The following DNMBP variants were observed in gnomAD, a reference collection of about 807,000 sequenced individuals.
DNMBP encodes dynamin-binding protein.
In DNMBP, 87 loss-of-function variants were observed where a neutral mutation model predicts 150.0. The observed-to-expected ratio is 0.58, with a 90% CI of 0.49 to 0.69. DNMBP has a LOEUF of 0.69. Ranked by LOEUF, DNMBP falls within the 30% of genes least tolerant of loss-of-function variation. DNMBP has a pLI of 0.00. For synonymous variants in DNMBP, 711 were observed against 750.4 expected (o/e 0.95, Z 0.86); for missense variants, 1,774 against 1,949.0 (o/e 0.91, Z 1.69).
rs1314055495 is a variant in DNMBP, at chr10:99,892,151, G to A, written c.3156+2795C>T. On this transcript the variant is annotated intron_variant, in intron 11 of 16. Transcript: ENST00000324109. ...GAAGAGCCCCTCTGCCCGGCCAGCC[G>A]CCCCGTCCAGGAGGGAGGTGGGGGG... 2.8e-5 allele frequency among the ~76,000 whole-genome samples: 4 copies of A among 141,120 alleles called. 1 individual carries two copies. Among genetic ancestry groups the A allele is most frequent in the South Asian group, 2.3e-4 (1 of 4,370 alleles). 92.6% of individuals were successfully genotyped at this position (141,120 alleles called of 152,430 possible).
intron 1 of DNMBP, among the ~76,000 whole-genome samples, chr10:100,005,776 A>AAAAC (rs1413940691): frequency 3.1e-5 from 4 of 128,062 alleles, no homozygotes; most frequent in Non-Finnish European, 3.3e-5. Flanking sequence ...AAAAAAAAAA[A>AAAAC]AAAAAAAACC....
intron 4 of DNMBP, among the ~76,000 whole-genome samples, chr10:99,912,405 C>T (rs1295831569): frequency 6.6e-6 from 1 of 152,114 alleles, no homozygotes; most frequent in Non-Finnish European, 1.5e-5. Context: ...GCCAGCCAGC[C>T]TATGTATTAG....
At chr10:99,920,980 G>A (rs1245515608) in intron 4 of DNMBP, among the ~76,000 whole-genome samples, 9 of 152,034 alleles carry the variant, frequency 5.9e-5, no homozygotes, top group South Asian at 2.1e-4. Context: ...ATGCCCAGCC[G>A]ACTTCCCACT....
chr10:99,894,870 C>T, intron 11 of DNMBP, 76 bp downstream of exon 11: 10 of 1,164,616 alleles, frequency 8.6e-6, no homozygotes, highest in Non-Finnish European at 1.3e-5. Context: ...ATTCATTAAA[C>T]AATATGACTG....
chr10:99,905,655 C>G (rs1276366490), intron 6 of DNMBP, among the ~76,000 whole-genome samples: 1 of 152,206 alleles, frequency 6.6e-6, no homozygotes, highest in Non-Finnish European at 1.5e-5. Context: ...CCACTGCATT[C>G]TAGCCTAGGC....
intron 4 of DNMBP, among the ~76,000 whole-genome samples, chr10:99,950,037 T>C (rs1407127170): frequency 1.3e-5 from 2 of 152,154 alleles, no homozygotes; most frequent in African/African-American, 4.8e-5. Flanking sequence ...CCCACCCAAA[T>C]CCCATCTTGA....
intron 4 of DNMBP, among the ~76,000 whole-genome samples, chr10:99,941,715 G>A (rs1013155857): frequency 5.9e-5 from 9 of 152,230 alleles, no homozygotes; most frequent in African/African-American, 9.6e-5. Context: ...TGATCCGCCC[G>A]CCTTGGCCTC....
Position 99,989,424 on chromosome 10 carries a change from C to T in DNMBP, c.-10-17290G>A, listed in dbSNP as rs555089507. 4.3e-4 allele frequency among the ~76,000 whole-genome samples: 65 copies of T among 152,234 alleles called. 2 individuals carry two copies. The highest frequency in any genetic ancestry group is 1.6e-3 in the African/African-American group (65 of 41,562). ...CAGAATGAAGACAAGAAAAAACAGA[C>T]TTGAGGCCAGGCGCAGTGGCTCACG... On this transcript the variant is annotated intron_variant, in intron 1 of 16. Coordinates refer to ENST00000324109, the MANE Select transcript of DNMBP (RefSeq NM_015221.4).
intron 16 of DNMBP, among the ~76,000 whole-genome samples, chr10:99,878,152 C>T (rs892096429): frequency 1.3e-5 from 2 of 152,294 alleles, no homozygotes; most frequent in East Asian, 1.9e-4. Flanking sequence ...GGGTGGAAGA[C>T]GAGCATACTC....
At chr10:99,972,659 G>A (rs1459501453) in intron 1 of DNMBP, among the ~76,000 whole-genome samples, 1 of 152,200 alleles carries the variant, frequency 6.6e-6, no homozygotes, top group Non-Finnish European at 1.5e-5. Flanking sequence ...CACCCAGGCT[G>A]GAGTGCAGTG....
chr10:99,983,960 A>C (rs1354805503), intron 1 of DNMBP, among the ~76,000 whole-genome samples: 3 of 152,136 alleles, frequency 2.0e-5, no homozygotes, highest in Non-Finnish European at 4.4e-5. Context: ...CCTTATCTAA[A>C]CCACCCGAAC....
chr10:99,958,419 C>G (rs1325692422), intron 3 of DNMBP: 1 of 152,206 alleles, frequency 6.6e-6, no homozygotes, highest in Non-Finnish European at 1.5e-5. Flanking sequence ...CCTGAACCGT[C>G]TGTTTATTTT....
At chr10:99,961,391 C>T (rs1813916357) in intron 3 of DNMBP, among the ~76,000 whole-genome samples, 1 of 140,906 alleles carries the variant, frequency 7.1e-6, no homozygotes, top group African/African-American at 2.7e-5. Flanking sequence ...TGTCCCACCT[C>T]AGCCTCCTAA....
chr10:99,929,535 C>T, intron 4 of DNMBP: 1 of 604,146 alleles, frequency 1.7e-6, no homozygotes, highest in East Asian at 2.7e-5. Context: ...CACAAGTGCT[C>T]CTAGTACCTG....
At chr10:99,933,287 C>A (rs1174486773) in intron 4 of DNMBP, among the ~76,000 whole-genome samples, 1 of 150,800 alleles carries the variant, frequency 6.6e-6, no homozygotes, top group Non-Finnish European at 1.5e-5. Flanking sequence ...CAGACTGAGA[C>A]CCTGTCTCAA....
intron 10 of DNMBP, among the ~76,000 whole-genome samples, chr10:99,895,826 G>A (rs984955515): frequency 6.6e-6 from 1 of 152,190 alleles, no homozygotes; most frequent in African/African-American, 2.4e-5. Flanking sequence ...TATTTTCCAT[G>A]AATTGTACCT....
At chr10:99,922,527 T>TTTTAA (rs1554864053) in intron 4 of DNMBP, among the ~76,000 whole-genome samples, 1 of 78,966 alleles carries the variant, frequency 1.3e-5, no homozygotes, top group Non-Finnish European at 2.2e-5. Flanking sequence ...TTTTTTTTCT[T>TTTTAA]AAAAAAAAAA....
chr10:99,913,920 C>A, intron 4 of DNMBP: 1 of 1,305,864 alleles, frequency 7.7e-7, no homozygotes, highest in Non-Finnish European at 9.8e-7. Flanking sequence ...GTTCCACTTC[C>A]TTCTGTGCTG....
chr10:99,922,466 T>C (rs912797960), intron 4 of DNMBP, among the ~76,000 whole-genome samples: 4 of 148,120 alleles, frequency 2.7e-5, no homozygotes, highest in African/African-American at 1.0e-4. Flanking sequence ...ACATAGGTAA[T>C]GGCTTGGGAA....
Sources: allele counts gnomAD v4.1 joint callset (sites outside exome capture counted in the v4.1 genomes callset), GRCh38; gene constraint gnomAD v4.1.1; transcripts MANE v1.5; gene names NCBI Gene and HGNC (gene_info 2026-07-23, HGNC 2026-07-21).